The following SMARCA4 variants were observed in gnomAD, a reference collection of about 807,000 sequenced individuals.
SMARCA4 encodes the protein SWI/SNF-related matrix-associated actin-dependent regulator of chromatin subfamily A member 4.
In SMARCA4, 31 loss-of-function variants were observed where a neutral mutation model predicts 193.9. The observed-to-expected ratio is 0.16, with a 90% CI of 0.12 to 0.22. The LOEUF is 0.22. SMARCA4 is among the 10% of genes least tolerant of loss of function. The pLI is 1.00. For synonymous variants in SMARCA4, 942 were observed against 933.1 expected, an observed-to-expected ratio of 1.01 and a Z score of -0.17; for missense variants, 1,148 against 2,296.0, an observed-to-expected ratio of 0.50 and a Z score of 10.22.
rs1600467954 is a variant in SMARCA4, at chr19:11,041,435, G to C, written c.4299G>C (p.Lys1433Asn). 6.2e-7 allele frequency: 1 copy of C among 1,612,490 alleles called. No homozygotes were observed. The highest frequency in any genetic ancestry group is 1.3e-5 in the African/African-American group (1 of 74,938). The part of the protein sequence containing the change: ...TPTTSTRSRD[K>N]DDESKKQKKR... ...CCACCAGCACCCGCAGCCGCGACAA[G>C]GACGACGAGAGCAAGAAGCAGAAGA... The change falls in exon 30 of 35, where the codon AAG becomes AAC. Residue 1433 changes from lysine to asparagine, a missense_variant. Physicochemically the swap from Lys to Asn is moderately conservative, Grantham distance 94. Transcript: ENST00000344626. The surrounding 1 kb of genome is among the most constrained non-coding windows in gnomAD (Gnocchi z 5.6).
At position 10,986,895 on chromosome 19, in the gene SMARCA4, C is replaced by T. The variant is rs1555754102; in HGVS notation, c.761-10C>T. On this transcript the variant is annotated splice_polypyrimidine_tract_variant and intron_variant, in intron 4 of 34. Transcript: ENST00000344626. This position sits in a 1 kb window ranked among gnomAD's most constrained non-coding sequence, Gnocchi z 6.7. ...GCACTGTTTTCTCTTTTGTTTCTCC[C>T]TACATGTAGGTATGGGAGGGCCCAA... is the stretch of plus-strand genomic sequence containing the variant. 9 of 1,605,566 alleles carry T rather than the reference C, an allele frequency of 5.6e-6. 1 individual carries two copies. In the Middle Eastern group the frequency reaches 1.3e-3, roughly 236 times the overall value.
chr19:11,031,244 C>T lies in SMARCA4; in HGVS notation c.3546+351C>T, dbSNP rs2074911570. On this transcript the variant is annotated intron_variant, in intron 25 of 34. Transcript: ENST00000344626. This position sits in a 1 kb window ranked among gnomAD's most constrained non-coding sequence, Gnocchi z 4.3. The stretch of plus-strand genomic sequence containing the variant: ...CGGCCCCTGCAGTGTGCCCTGTGAG[C>T]ACACACACTGGCGCTTGTTCAGACA... 1.1e-5 allele frequency: 4 copies of T among 366,586 alleles called. No homozygotes were observed. The highest frequency in any genetic ancestry group is 2.1e-5 in the Non-Finnish European group (4 of 190,266). 22.7% of individuals were successfully genotyped at this position (366,586 alleles called of 1,614,324 possible).
intron 11 of SMARCA4, among the ~76,000 whole-genome samples, chr19:11,001,593 A>T (rs1051234368): frequency 3.3e-5 from 5 of 152,144 alleles, no homozygotes; most frequent in Non-Finnish European, 7.4e-5. Flanking sequence ...CCCAGAGAGG[A>T]TGTGGAGTTG....
In SMARCA4 at chr19:11,059,126, A is replaced by T. The variant is rs949289181; in HGVS notation, c.4635+237A>T. The T allele has an allele frequency of 1.4e-5, 7 of 493,336 alleles. No homozygotes were observed. The Admixed American group carries it at 2.4e-4, about 17-fold the overall frequency. 30.6% of individuals were successfully genotyped at this position (493,336 alleles called of 1,614,324 possible). On this transcript the variant is annotated intron_variant, in intron 32 of 34. Coordinates refer to ENST00000344626, the MANE Select transcript of SMARCA4 (RefSeq NM_003072.5). ...CCTGTCTTTAAAAAAAAAAAAGAAA[A>T]AATTAAAAATTTCCAACTTGGGATA...
intron 30 of SMARCA4, among the ~76,000 whole-genome samples, chr19:11,043,165 C>G (rs2075717661): frequency 6.6e-6 from 1 of 152,120 alleles, no homozygotes; most frequent in South Asian, 2.1e-4. Context: ...GTGGTGCATG[C>G]CTGTAATCCC....
rs554545874 is a variant in SMARCA4 at position 10,987,558 on chromosome 19, G to A, written c.860-108G>A. 3.9e-5 allele frequency: 50 copies of A among 1,276,890 alleles called. No individual in the cohort carries two copies. Among genetic ancestry groups the A allele is most frequent in the African/African-American group, 8.8e-5 (6 of 68,546 alleles). 79.1% of individuals were successfully genotyped at this position (1,276,890 alleles called of 1,614,324 possible). On this transcript the variant is annotated intron_variant, in intron 5 of 34. Transcript: ENST00000344626. The surrounding 1 kb of genome is among the most constrained non-coding windows in gnomAD (Gnocchi z 5.3). ...CCTGGGTGAAAGGTGGGAGATGGGCGGGGTCTGCCTGTCCCCAGTGCCTCA... is the reference window on the plus strand; with the variant it reads ...CCTGGGTGAAAGGTGGGAGATGGGCAGGGTCTGCCTGTCCCCAGTGCCTCA...
Position 11,030,061 on chromosome 19 carries a change from A to G in SMARCA4, c.3383-669A>G, listed in dbSNP as rs1355268679. Among the ~76,000 whole-genome samples the G allele has an allele frequency of 2.0e-5, 3 of 152,164 alleles. No individual in the cohort carries two copies. Among genetic ancestry groups the G allele is most frequent in the African/African-American group, 7.2e-5 (3 of 41,440 alleles). ...TCCCAGCAGCGCAGGGAGTGTTGAC[A>G]TTGCCTTAATGCCCACAACGCTGAG... On this transcript the variant is annotated intron_variant, in intron 24 of 34. Coordinates refer to ENST00000344626, the MANE Select transcript of SMARCA4 (RefSeq NM_003072.5). This position sits in a 1 kb window ranked among gnomAD's most constrained non-coding sequence, Gnocchi z 5.5.
chr19:10,975,621 T>TTTTTTTTTTTAA (rs1234808381), intron 1 of SMARCA4, among the ~76,000 whole-genome samples: 1 of 152,140 alleles, frequency 6.6e-6, no homozygotes, highest in African/African-American at 2.4e-5. Flanking sequence ...TCAATTCTTT[T>TTTTTTTTTTTAA]TTGATGTGCC....
chr19:10,996,282 C>G lies in SMARCA4; in HGVS notation c.1663C>G (p.Gln555Glu), dbSNP rs1555763639. 3 of 1,614,192 alleles carry G rather than the reference C, an allele frequency of 1.9e-6. No homozygotes were observed. The highest frequency in any genetic ancestry group is 2.5e-6 in the Non-Finnish European group (3 of 1,179,992). Reference protein sequence around the residue: ...KKDKRLAYLLQQTDEYVANLT... With the variant: ...KKDKRLAYLLEQTDEYVANLT... ...GGACAAGCGCCTGGCCTACCTCTTGCAGCAGACAGACGAGTACGTGGCTAA... is the reference window on the plus strand; with the variant it reads ...GGACAAGCGCCTGGCCTACCTCTTGGAGCAGACAGACGAGTACGTGGCTAA... Residue 555 changes from glutamine (Q) to glutamate (E), a missense_variant, in exon 10 of 35, where the codon CAG (glutamine) becomes GAG (glutamate). Gln to Glu is a conservative substitution (Grantham distance 29, BLOSUM62 2). This residue lies in a region of SMARCA4 where 10 missense variants were observed against 89.9 expected (regional missense o/e 0.11). Coordinates refer to ENST00000344626, the MANE Select transcript of SMARCA4 (RefSeq NM_003072.5).
At chr19:11,006,836 A>G (rs2088257630) in intron 13 of SMARCA4, among the ~76,000 whole-genome samples, 1 of 151,954 alleles carries the variant, frequency 6.6e-6, no homozygotes, top group Admixed American at 6.6e-5. Context: ...CTGTAATCCC[A>G]GCACTTTGGG....
intron 30 of SMARCA4, among the ~76,000 whole-genome samples, chr19:11,049,053 C>A (rs1331843112): frequency 2.6e-5 from 4 of 152,188 alleles, no homozygotes; most frequent in African/African-American, 7.2e-5. Flanking sequence ...ACCATGCCGG[C>A]AGTGCTGGCT....
chr19:10,992,652 G>A (rs1360835143), intron 8 of SMARCA4, among the ~76,000 whole-genome samples: 4 of 151,262 alleles, frequency 2.6e-5, no homozygotes, highest in African/African-American at 7.3e-5. Context: ...GCAGTGGTGC[G>A]ATCTTGGTTC....
At chr19:11,013,711 A>G (rs2089079771) in intron 16 of SMARCA4, among the ~76,000 whole-genome samples, 1 of 152,130 alleles carries the variant, frequency 6.6e-6, no homozygotes, top group Non-Finnish European at 1.5e-5. Context: ...ACCTCCCACT[A>G]GAAAAGTAGG....
At chr19:11,056,905 G>A (rs17001114) in intron 30 of SMARCA4, among the ~76,000 whole-genome samples, 12,582 of 152,262 alleles carry the variant, frequency 0.083, 883 homozygotes, top group African/African-American at 0.19. Flanking sequence ...ATTTTCCAGC[G>A]TGGTAAACAG....
In SMARCA4 at chr19:10,987,835, G is replaced by A. The variant is rs749780867; in HGVS notation, c.1029G>A (p.Val343=). 1.9e-6 allele frequency: 3 copies of A among 1,610,754 alleles called. No homozygotes were observed. The highest frequency in any genetic ancestry group is 2.5e-6 in the Non-Finnish European group (3 of 1,179,106). The change falls in exon 6 of 35, where the codon GTG becomes GTA. Residue 343 remains valine, a synonymous_variant. Transcript: ENST00000344626. The surrounding 1 kb of genome is among the most constrained non-coding windows in gnomAD (Gnocchi z 5.3). ...AGCCGGCCCAGCCCGCGCCCATGGT[G>A]CCACTGCACCAGAAGCAGAGCCGCA... ...PGQPAQPAPM[V]PLHQKQSRIT... is the part of the protein sequence containing the mutation.
At chr19:11,056,786 G>A (rs776422319) in intron 30 of SMARCA4, among the ~76,000 whole-genome samples, 3 of 152,200 alleles carry the variant, frequency 2.0e-5, no homozygotes, top group Middle Eastern at 3.2e-3. Flanking sequence ...GAGGCCTTCC[G>A]GGATCCTGCT....
intron 24 of SMARCA4, among the ~76,000 whole-genome samples, chr19:11,028,287 G>A (rs1400650775): frequency 1.3e-5 from 2 of 152,220 alleles, no homozygotes; most frequent in African/African-American, 4.8e-5. Flanking sequence ...GGCTTACATA[G>A]CTCTAACCCC....
At chr19:11,008,883 A>T (rs966615269) in intron 14 of SMARCA4, among the ~76,000 whole-genome samples, 7 of 151,018 alleles carry the variant, frequency 4.6e-5, no homozygotes, top group African/African-American at 1.7e-4. Context: ...CTGAGACAGG[A>T]GAATCGCTTG....
At chr19:11,046,835 T>A (rs977334453) in intron 30 of SMARCA4, among the ~76,000 whole-genome samples, 1 of 151,492 alleles carries the variant, frequency 6.6e-6, no homozygotes, top group East Asian at 1.9e-4. Flanking sequence ...GCACTCCTGT[T>A]GACTCAGCTA....
Sources: allele counts gnomAD v4.1 joint callset (sites outside exome capture counted in the v4.1 genomes callset), GRCh38; gene constraint gnomAD v4.1.1; regional missense constraint gnomAD v4.1.1; non-coding constraint Gnocchi (gnomAD v3.1); transcripts MANE v1.5; gene names NCBI Gene and HGNC (gene_info 2026-07-23, HGNC 2026-07-21).